The following CCSER1 variants were observed in gnomAD, a reference collection of about 807,000 sequenced individuals.
CCSER1 encodes the protein serine-rich coiled-coil domain-containing protein 1.
In CCSER1, 41 loss-of-function variants were observed where a neutral mutation model predicts 82.0. The observed-to-expected ratio is 0.50, with a 90% CI of 0.39 to 0.65. CCSER1 has a LOEUF of 0.65. Ranked by LOEUF, CCSER1 falls within the 30% of genes least tolerant of loss-of-function variation. The pLI, the probability that CCSER1 is intolerant of heterozygous loss-of-function variation, is 0.00. For synonymous variants in CCSER1, 414 were observed against 383.9 expected (o/e 1.08, Z -0.92); for missense variants, 1,119 against 1,064.2 (o/e 1.05, Z -0.72).
intron 6 of CCSER1, among the ~76,000 whole-genome samples, chr4:90,708,896 A>C (rs1739949098): frequency 6.6e-6 from 1 of 152,136 alleles, no homozygotes; most frequent in Non-Finnish European, 1.5e-5. Flanking sequence ...CAAACTCCTC[A>C]AGTGGTAGTA....
At chr4:90,546,968 C>G (rs918565970) in intron 5 of CCSER1, among the ~76,000 whole-genome samples, 1 of 151,964 alleles carries the variant, frequency 6.6e-6, no homozygotes, top group African/African-American at 2.4e-5. Context: ...GTCCAGTGTT[C>G]TCTCTGTGAA....
chr4:90,727,915 A>T (rs1389459833), intron 7 of CCSER1, among the ~76,000 whole-genome samples: 1 of 152,092 alleles, frequency 6.6e-6, no homozygotes, highest in Non-Finnish European at 1.5e-5. Flanking sequence ...ACTGTATTAT[A>T]TTTATCCTGT....
intron 9 of CCSER1, among the ~76,000 whole-genome samples, chr4:90,973,004 A>G (rs781414500): frequency 3.3e-5 from 5 of 151,774 alleles, no homozygotes; most frequent in Non-Finnish European, 5.9e-5. Context: ...ACTATATATA[A>G]AAGTCAACTC....
intron 3 of CCSER1, among the ~76,000 whole-genome samples, chr4:90,352,390 G>A (rs997968204): frequency 1.3e-5 from 2 of 151,920 alleles, no homozygotes; most frequent in African/African-American, 4.8e-5. Flanking sequence ...TTGGCCAGGC[G>A]CGGTGACTGA....
intron 6 of CCSER1, among the ~76,000 whole-genome samples, chr4:90,640,517 C>T (rs919723242): frequency 6.6e-6 from 1 of 152,068 alleles, no homozygotes. Context: ...CTTAATACTG[C>T]AGAATAAATC....
intron 6 of CCSER1, among the ~76,000 whole-genome samples, chr4:90,690,846 T>C (rs1735697825): frequency 6.6e-6 from 1 of 152,120 alleles, no homozygotes; most frequent in Non-Finnish European, 1.5e-5. Flanking sequence ...ACATAGACCA[T>C]GAACCCAGAA....
intron 10 of CCSER1, among the ~76,000 whole-genome samples, chr4:91,473,218 G>T (rs1757381212): frequency 6.6e-6 from 1 of 152,110 alleles, no homozygotes; most frequent in Non-Finnish European, 1.5e-5. Context: ...TTAACTAGTG[G>T]AAAAAGATAA....
chr4:91,059,079 C>G (rs1743706067), intron 9 of CCSER1, among the ~76,000 whole-genome samples: 1 of 151,898 alleles, frequency 6.6e-6, no homozygotes, highest in African/African-American at 2.4e-5. Flanking sequence ...GGAAAAAAAT[C>G]ATGACATTTG....
At chr4:90,529,245 C>T (rs1774183162) in intron 5 of CCSER1, among the ~76,000 whole-genome samples, 1 of 151,958 alleles carries the variant, frequency 6.6e-6, no homozygotes, top group Non-Finnish European at 1.5e-5. Flanking sequence ...GAGTGAGTCT[C>T]ACTCTGTCAC....
At chr4:90,241,910 A>G (rs1746928111) in intron 1 of CCSER1, among the ~76,000 whole-genome samples, 1 of 152,242 alleles carries the variant, frequency 6.6e-6, no homozygotes, top group Admixed American at 6.5e-5. Context: ...CTTTGGTATG[A>G]AATTGTATTC....
intron 1 of CCSER1, among the ~76,000 whole-genome samples, chr4:90,213,112 C>T (rs758938000): frequency 3.9e-5 from 6 of 152,168 alleles, no homozygotes; most frequent in Admixed American, 2.6e-4. Flanking sequence ...GACAGGTGCA[C>T]TCTGGCATCA....
At chr4:91,153,858 G>C (rs1730519514) in intron 10 of CCSER1, among the ~76,000 whole-genome samples, 1 of 151,888 alleles carries the variant, frequency 6.6e-6, no homozygotes, top group East Asian at 1.9e-4. Context: ...GCTGCCTGAT[G>C]CTTCCTCTGG....
At chr4:90,563,883 C>T (rs1435344734) in intron 5 of CCSER1, among the ~76,000 whole-genome samples, 1 of 152,114 alleles carries the variant, frequency 6.6e-6, no homozygotes, top group African/African-American at 2.4e-5. Flanking sequence ...AATGGCTATA[C>T]TAAGTTACAT....
intron 4 of CCSER1, among the ~76,000 whole-genome samples, chr4:90,414,501 C>A (rs1264760564): frequency 6.6e-6 from 1 of 151,918 alleles, no homozygotes; most frequent in Non-Finnish European, 1.5e-5. Context: ...TATGATCAAG[C>A]ACAGGGATTT....
chr4:91,171,551 T>C (rs1289778245), intron 10 of CCSER1, among the ~76,000 whole-genome samples: 2 of 152,194 alleles, frequency 1.3e-5, no homozygotes, highest in Non-Finnish European at 2.9e-5. Context: ...ATACTCAACA[T>C]ATAAATACAC....
In CCSER1 at chr4:90,662,733, G is replaced by T. The variant is rs1428690060; in HGVS notation, c.1932+34501G>T. Among the ~76,000 whole-genome samples the T allele has an allele frequency of 3.3e-5, 5 of 152,102 alleles. No individual in the cohort carries two copies. The South Asian group carries it at 8.3e-4, about 25-fold the overall frequency. ...TTAAAACCTATTTTTGATAAAGAGG[G>T]TGTTAATGTAAGCTAGTGATCCTAG... On this transcript the variant is annotated intron_variant, in intron 6 of 10. Coordinates refer to ENST00000509176, the MANE Select transcript of CCSER1 (RefSeq NM_001145065.2).
chr4:91,346,477 A>G (rs1164222588), intron 10 of CCSER1, among the ~76,000 whole-genome samples: 2 of 152,174 alleles, frequency 1.3e-5, no homozygotes, highest in Non-Finnish European at 2.9e-5. Context: ...GCATACAACA[A>G]TTTTCAACTC....
At position 91,521,059 on chromosome 4, in the gene CCSER1, G is replaced by A. The variant is rs181940951; in HGVS notation, c.2218-77513G>A. ...CAGACCCCCGCCCCTGACAGGCCCC[G>A]GTGTGTGATGTTCCCCGCAATGTGT... On this transcript the variant is annotated intron_variant, in intron 10 of 10. Coordinates refer to ENST00000509176, the MANE Select transcript of CCSER1 (RefSeq NM_001145065.2). Among the ~76,000 whole-genome samples, 411 of 152,062 alleles carry A rather than the reference G, an allele frequency of 2.7e-3. 1 individual carries two copies. Among genetic ancestry groups the A allele is most frequent in the African/African-American group, 9.4e-3 (389 of 41,460 alleles).
At chr4:91,135,066 A>G (rs1392995666) in intron 10 of CCSER1, among the ~76,000 whole-genome samples, 1 of 152,034 alleles carries the variant, frequency 6.6e-6, no homozygotes, top group Non-Finnish European at 1.5e-5. Context: ...CTCAAAGAAA[A>G]AAAAAAAAAC....
Sources: allele counts gnomAD v4.1 joint callset (sites outside exome capture counted in the v4.1 genomes callset), GRCh38; gene constraint gnomAD v4.1.1; transcripts MANE v1.5; gene names NCBI Gene and HGNC (gene_info 2026-07-23, HGNC 2026-07-21).